Variants in MED13L observed in about 807,000 individuals in gnomAD.
MED13L encodes the protein mediator of RNA polymerase II transcription subunit 13-like.
MED13L carries 7 observed loss-of-function variants against 220.9 expected under a neutral mutation model. The ratio of observed to expected loss-of-function variants is 0.03; its 90% CI spans 0.02 to 0.06. MED13L has a LOEUF of 0.06. Ranked by LOEUF, MED13L falls within the 10% of genes least tolerant of loss-of-function variation. The pLI, the probability that MED13L is intolerant of heterozygous loss-of-function variation, is 1.00. For missense variants in MED13L, 1,965 were observed against 2,760.5 expected (o/e 0.71, Z 6.46); for synonymous variants, 1,011 against 1,015.2 (o/e 1.00, Z 0.08).
intron 4 of MED13L, among the ~76,000 whole-genome samples, chr12:116,048,234 C>G (rs1881955237): frequency 6.6e-6 from 1 of 152,120 alleles, no homozygotes; most frequent in African/African-American, 2.4e-5. Context: ...AGTCCCCACT[C>G]TAGGAACTGA....
At chr12:116,022,700 G>A (rs959919776) in intron 4 of MED13L, 99 bp from the exon 5 acceptor site, 24 of 1,269,978 alleles carry the variant, frequency 1.9e-5, no homozygotes, top group African/African-American at 1.3e-4. Context: ...TTTATCAACC[G>A]TCCAGTAAGG....
chr12:116,198,207 C>T (rs953203868), intron 2 of MED13L, among the ~76,000 whole-genome samples: 1 of 152,000 alleles, frequency 6.6e-6, no homozygotes, highest in African/African-American at 2.4e-5. Context: ...TCATCTTTTC[C>T]TCCTGCTTAG....
intron 2 of MED13L, among the ~76,000 whole-genome samples, chr12:116,132,628 G>A (rs868494713): frequency 6.6e-6 from 1 of 151,850 alleles, no homozygotes; most frequent in African/African-American, 2.4e-5. Flanking sequence ...TGAAAAGAAA[G>A]GGAAGAAACA....
chr12:116,064,975 A>G (rs1869809177), intron 4 of MED13L, among the ~76,000 whole-genome samples: 2 of 152,260 alleles, frequency 1.3e-5, no homozygotes, highest in Non-Finnish European at 2.9e-5. Flanking sequence ...CAACAATGGA[A>G]GTACCTTCTA....
chr12:116,266,449 T>C (rs1351459308), intron 1 of MED13L, among the ~76,000 whole-genome samples: 2 of 152,154 alleles, frequency 1.3e-5, no homozygotes, highest in African/African-American at 4.8e-5. Context: ...CAGGGAGCCA[T>C]CCTCACCTCT....
rs1464295068 is a variant in MED13L at position 115,984,183 on chromosome 12, G to A, written c.4528C>T (p.Leu1510=). Residue 1510 remains leucine, a synonymous_variant, in exon 20 of 31, where the codon CTA becomes TTA. Transcript: ENST00000281928. ...TGCCAAATAAATTCCCATTTACCTA[G>A]GTGATGGCGGCAAACTTGCGCATAA... is the stretch of plus-strand genomic sequence containing the variant. ...KLYAQVCRHH[L]APYLATLQLD... The A allele has an allele frequency of 8.1e-6, 13 of 1,613,580 alleles. No homozygotes were observed. Among genetic ancestry groups the A allele is most frequent in the Non-Finnish European group, 1.1e-5 (13 of 1,179,936 alleles).
At chr12:116,173,709 T>C (rs1879854050) in intron 2 of MED13L, among the ~76,000 whole-genome samples, 1 of 152,078 alleles carries the variant, frequency 6.6e-6, no homozygotes, top group Non-Finnish European at 1.5e-5. Context: ...ATAAGTTGCC[T>C]TAATTTATAA....
intron 1 of MED13L, among the ~76,000 whole-genome samples, chr12:116,266,623 T>G (rs922726384): frequency 6.6e-6 from 1 of 152,232 alleles, no homozygotes; most frequent in African/African-American, 2.4e-5. Context: ...TAAATAGCAT[T>G]TGAGTTTTAT....
chr12:116,028,671 G>T (rs931912040), intron 4 of MED13L, among the ~76,000 whole-genome samples: 1 of 152,150 alleles, frequency 6.6e-6, no homozygotes, highest in Non-Finnish European at 1.5e-5. Flanking sequence ...TAGGCCAGAA[G>T]ATACTATCAA....
At chr12:116,123,754 T>A (rs1875298908) in intron 2 of MED13L, among the ~76,000 whole-genome samples, 1 of 152,164 alleles carries the variant, frequency 6.6e-6, no homozygotes, top group Non-Finnish European at 1.5e-5. Flanking sequence ...CCCCCAGCCA[T>A]GCAGCATTTC....
Position 116,117,008 on chromosome 12 carries a change from T to C in MED13L, c.311-5496A>G, listed in dbSNP as rs559546625. ...ACAACACAAAACAAACTACAGCAAA[T>C]GTATATAGTAGTTGTATTTGTAAAT... On this transcript the variant is annotated intron_variant, in intron 2 of 30. Coordinates refer to ENST00000281928, the MANE Select transcript of MED13L (RefSeq NM_015335.5). 7.0e-4 allele frequency among the ~76,000 whole-genome samples: 107 copies of C among 151,790 alleles called. No homozygotes were observed. In the Middle Eastern group the frequency reaches 0.01, roughly 15 times the overall value.
chr12:116,223,404 G>C (rs893741828), intron 2 of MED13L, among the ~76,000 whole-genome samples: 1 of 151,954 alleles, frequency 6.6e-6, no homozygotes, highest in Non-Finnish European at 1.5e-5. Context: ...TTCAACTACA[G>C]ACTATAAAAT....
At position 116,111,526 on chromosome 12, in the gene MED13L, GAAAAAAGAAA is replaced by G; in HGVS notation, c.311-24_311-15del. On this transcript the variant is annotated splice_polypyrimidine_tract_variant and intron_variant, in intron 2 of 30. Coordinates refer to ENST00000281928, the MANE Select transcript of MED13L (RefSeq NM_015335.5). ...CTTCTTCCACAACTGAAAAAAAAAA[GAAAAAAGAAA>G]AAAAAAGAACCAGTAAAAAGGACAT... 3 of 1,525,618 alleles carry G rather than the reference GAAAAAAGAAA, an allele frequency of 2.0e-6. No homozygotes were observed. Among genetic ancestry groups the G allele is most frequent in the East Asian group, 2.3e-5 (1 of 43,508 alleles). 94.5% of individuals were successfully genotyped at this position (1,525,618 alleles called of 1,614,324 possible). A position where few individuals can be genotyped will look rare whatever the true frequency, so the allele number is the denominator to read the frequency against.
chr12:116,098,230 G>C (rs1188577417), intron 3 of MED13L, among the ~76,000 whole-genome samples: 3 of 151,576 alleles, frequency 2.0e-5, no homozygotes, highest in South Asian at 2.1e-4. Context: ...TGGGCAACAA[G>C]AGCGAAACTC....
intron 2 of MED13L, among the ~76,000 whole-genome samples, chr12:116,179,952 C>T (rs61935843): frequency 6.6e-6 from 1 of 152,122 alleles, no homozygotes; most frequent in African/African-American, 2.4e-5. Flanking sequence ...CAGTGACATA[C>T]AAATAACACC....
chr12:116,216,459 T>C (rs375015851), intron 2 of MED13L, among the ~76,000 whole-genome samples: 5 of 152,218 alleles, frequency 3.3e-5, no homozygotes, highest in Admixed American at 2.0e-4. Context: ...TTGTTTCTTA[T>C]AGTCATCACT....
chr12:116,043,157 C>T (rs954556707), intron 4 of MED13L, among the ~76,000 whole-genome samples: 2 of 152,110 alleles, frequency 1.3e-5, no homozygotes, highest in Non-Finnish European at 2.9e-5. Flanking sequence ...ATGGTTCTAT[C>T]CCCCTCTCCC....
At chr12:116,224,111 T>C (rs1232851279) in intron 2 of MED13L, among the ~76,000 whole-genome samples, 3 of 152,180 alleles carry the variant, frequency 2.0e-5, no homozygotes, top group Non-Finnish European at 4.4e-5. Context: ...CCTATCCCCA[T>C]ACAGTTTATA....
chr12:116,082,506 C>T (rs893772050), intron 4 of MED13L: 5 of 152,116 alleles, frequency 3.3e-5, no homozygotes, highest in African/African-American at 1.2e-4. Context: ...TCCGTTATTA[C>T]CCAGAGTTGC....
Sources: allele counts gnomAD v4.1 joint callset (sites outside exome capture counted in the v4.1 genomes callset), GRCh38; gene constraint gnomAD v4.1.1; transcripts MANE v1.5; gene names NCBI Gene and HGNC (gene_info 2026-07-23, HGNC 2026-07-21).